ZNF385D: variants seen among roughly 807,000 people sequenced by gnomAD.
ZNF385D encodes zinc finger protein 385D.
In ZNF385D, 15 loss-of-function variants were observed where a neutral mutation model predicts 35.8. The ratio of observed to expected loss-of-function variants is 0.42; its 90% CI spans 0.28 to 0.64. The LOEUF is 0.64. Ranked by LOEUF, ZNF385D falls within the 30% of genes least tolerant of loss-of-function variation. The pLI is 0.23. For missense variants in ZNF385D, 474 were observed against 494.6 expected, an observed-to-expected ratio of 0.96 and a Z score of 0.39; for synonymous variants, 212 against 186.8, an observed-to-expected ratio of 1.13 and a Z score of -1.10.
At chr3:21,692,753 G>C (rs774355735) in intron 1 of ZNF385D, among the ~76,000 whole-genome samples, 1 of 152,132 alleles carries the variant, frequency 6.6e-6, no homozygotes, top group Non-Finnish European at 1.5e-5. Context: ...CCCTTCTTCT[G>C]ATACATTTTG....
intron 4 of ZNF385D, among the ~76,000 whole-genome samples, chr3:21,498,008 A>G (rs1327763466): frequency 2.0e-5 from 3 of 152,290 alleles, no homozygotes; most frequent in Middle Eastern, 3.4e-3. Flanking sequence ...AGGTACTGGT[A>G]CAAAAACAGG....
chr3:21,960,185 T>C (rs1702508002), intron 3 of ZNF385D, among the ~76,000 whole-genome samples: 2 of 106,372 alleles, frequency 1.9e-5, no homozygotes, highest in African/African-American at 6.5e-5. Flanking sequence ...TACAAGAAAC[T>C]CAACAACTAA....
At chr3:21,870,631 A>G (rs1231734182) in intron 3 of ZNF385D, among the ~76,000 whole-genome samples, 1 of 152,128 alleles carries the variant, frequency 6.6e-6, no homozygotes, top group Non-Finnish European at 1.5e-5. Flanking sequence ...AGCCACGCAA[A>G]CCTTGTATTC....
rs865797760 is a variant in ZNF385D at position 21,618,141 on chromosome 3, T to G, written c.165+46745A>C. On this transcript the variant is annotated intron_variant, in intron 2 of 7. Transcript: ENST00000281523. ...AAGAGTGTAAATTTTACTTTATTTG[T>G]AAAAAGGGTCTTTGTGATATAATTA... Among the ~76,000 whole-genome samples, 48 of 152,306 alleles carry G rather than the reference T, an allele frequency of 3.2e-4. No individual in the cohort carries two copies. The Middle Eastern group carries it at 0.014, about 43-fold the overall frequency.
At chr3:21,592,977 C>T (rs2064024932) in intron 2 of ZNF385D, among the ~76,000 whole-genome samples, 1 of 152,314 alleles carries the variant, frequency 6.6e-6, no homozygotes, top group Non-Finnish European at 1.5e-5. Context: ...GCACAGCAAG[C>T]TTCTGACCGA....
chr3:22,371,625 G>T (rs1406496326), intron 2 of ZNF385D, among the ~76,000 whole-genome samples: 2 of 152,150 alleles, frequency 1.3e-5, no homozygotes, highest in African/African-American at 4.8e-5. Context: ...GAGGCTGCAG[G>T]TGTCCTCTGA....
intron 3 of ZNF385D, among the ~76,000 whole-genome samples, chr3:21,903,259 C>T (rs1045596102): frequency 2.0e-5 from 3 of 152,104 alleles, no homozygotes; most frequent in African/African-American, 7.2e-5. Flanking sequence ...TTTCAGGAGG[C>T]ATTTCCTTCT....
intron 2 of ZNF385D, among the ~76,000 whole-genome samples, chr3:21,574,965 G>C (rs1467020297): frequency 6.6e-6 from 1 of 151,556 alleles, no homozygotes. Flanking sequence ...TGGCTAAAGA[G>C]GACTATAGCT....
chr3:21,884,504 A>G (rs944535400), intron 3 of ZNF385D, among the ~76,000 whole-genome samples: 1 of 152,078 alleles, frequency 6.6e-6, no homozygotes, highest in Non-Finnish European at 1.5e-5. Flanking sequence ...TAAGGGCTCA[A>G]AAGAGCTAAT....
chr3:21,568,528 A>G (rs930170531), intron 2 of ZNF385D, among the ~76,000 whole-genome samples: 6 of 152,320 alleles, frequency 3.9e-5, no homozygotes, highest in African/African-American at 1.4e-4. Flanking sequence ...TTTCTACAAA[A>G]TCTGCCTCAC....
intron 2 of ZNF385D, among the ~76,000 whole-genome samples, chr3:22,314,898 A>C (rs1703800135): frequency 6.6e-6 from 1 of 152,200 alleles, no homozygotes; most frequent in Non-Finnish European, 1.5e-5. Context: ...GGGATTGTGC[A>C]ACAAATGGAA....
intron 3 of ZNF385D, among the ~76,000 whole-genome samples, chr3:21,544,958 A>G (rs1251789769): frequency 2.0e-5 from 3 of 152,224 alleles, no homozygotes; most frequent in Non-Finnish European, 4.4e-5. Flanking sequence ...GTGTTCACGT[A>G]TACAGGATTG....
At chr3:21,796,677 C>G (rs73142836) in intron 3 of ZNF385D, among the ~76,000 whole-genome samples, 1 of 152,130 alleles carries the variant, frequency 6.6e-6, no homozygotes, top group African/African-American at 2.4e-5. Context: ...GAAGGTAACA[C>G]AGGAACACAT....
intron 3 of ZNF385D, chr3:22,133,666 A>G (rs1024170359): frequency 6.6e-6 from 1 of 151,984 alleles, no homozygotes; most frequent in Non-Finnish European, 1.5e-5. Context: ...ACTGAAAACC[A>G]TAGACAAAAT....
At chr3:22,236,733 G>A (rs748446940) in intron 2 of ZNF385D, among the ~76,000 whole-genome samples, 6 of 152,026 alleles carry the variant, frequency 3.9e-5, no homozygotes, top group Non-Finnish European at 8.8e-5. Context: ...CTAGCCCCCG[G>A]CAACTAGTAA....
chr3:22,281,092 C>T lies in ZNF385D; in HGVS notation c.106+91358G>A, dbSNP rs533255388. The stretch of plus-strand genomic sequence containing the variant: ...ATTTCTGTACATTCATTTTGTACCC[C>T]AAAACTTTACTGAATTCATTTATCA... On this transcript the variant is annotated intron_variant, in intron 2 of 5. Transcript: ENST00000494108. Among the ~76,000 whole-genome samples, 6 of 151,916 alleles carry T rather than the reference C, an allele frequency of 3.9e-5. No homozygotes were observed. The South Asian group carries it at 6.2e-4, about 16-fold the overall frequency.
intron 1 of ZNF385D, among the ~76,000 whole-genome samples, chr3:21,699,615 T>G (rs570788220): frequency 6.6e-6 from 1 of 152,152 alleles, no homozygotes; most frequent in East Asian, 1.9e-4. Flanking sequence ...AATACAAGAG[T>G]TTGAAGACTT....
intron 2 of ZNF385D, among the ~76,000 whole-genome samples, chr3:22,306,176 T>C (rs963299655): frequency 6.6e-6 from 1 of 152,064 alleles, no homozygotes; most frequent in African/African-American, 2.4e-5. Context: ...TGAGGATAAA[T>C]TGCCCTTGAC....
intron 3 of ZNF385D, among the ~76,000 whole-genome samples, chr3:21,989,174 C>A (rs977551305): frequency 6.6e-6 from 1 of 152,186 alleles, no homozygotes; most frequent in African/African-American, 2.4e-5. Flanking sequence ...ATCTTGGCTC[C>A]TCCGACCCCA....
Sources: gnomAD v4.1 joint callset for allele counts (sites outside exome capture counted in the v4.1 genomes callset) on GRCh38, gnomAD v4.1.1 for gene constraint, MANE v1.5 for transcripts, NCBI Gene and HGNC (gene_info 2026-07-23, HGNC 2026-07-21) for gene names.